The following SHTN1 variants were observed in gnomAD, a reference collection of about 807,000 sequenced individuals.
SHTN1 encodes the protein shootin-1.
In SHTN1, 42 loss-of-function variants were observed where a neutral mutation model predicts 83.1. The observed-to-expected ratio is 0.51, with a 90% CI of 0.39 to 0.65. The LOEUF (loss-of-function observed/expected upper bound fraction) is 0.65. SHTN1 is among the 30% of genes least tolerant of loss of function. The pLI is 0.00. For synonymous variants in SHTN1, 224 were observed against 247.7 expected (o/e 0.90, Z 0.90); for missense variants, 622 against 737.8 (o/e 0.84, Z 1.82).
At chr10:116,936,651 G>T (rs898185012) in intron 9 of SHTN1, among the ~76,000 whole-genome samples, 3 of 152,106 alleles carry the variant, frequency 2.0e-5, no homozygotes, top group African/African-American at 7.2e-5. Flanking sequence ...TGTTGATTTG[G>T]GATGGAGAGG....
intron 16 of SHTN1, among the ~76,000 whole-genome samples, chr10:116,892,846 CA>C (rs1389139392): frequency 1.3e-5 from 2 of 152,080 alleles, no homozygotes; most frequent in South Asian, 4.2e-4. Context: ...CCACTATACA[CA>C]AATAAAAGGA....
Position 117,047,150 on chromosome 10 carries a change from T to C in SHTN1, c.-123+1295A>G, listed in dbSNP as rs553716561. Among the ~76,000 whole-genome samples, 4 of 152,280 alleles carry C rather than the reference T, an allele frequency of 2.6e-5. No individual in the cohort carries two copies. In the South Asian group the frequency reaches 6.2e-4, roughly 24 times the overall value. ...CACGATCTCAGCACACTGCAACCTC[T>C]GCCTCCCAGGATCAAGTGATTCTCC... On this transcript the variant is annotated intron_variant, in intron 2 of 17. Coordinates refer to the SHTN1 transcript ENST00000392901.
At chr10:117,116,797 C>G (rs1322287347) in intron 1 of SHTN1, among the ~76,000 whole-genome samples, 1 of 151,958 alleles carries the variant, frequency 6.6e-6, no homozygotes, top group Non-Finnish European at 1.5e-5. Flanking sequence ...TTAACAGAAC[C>G]AAGAACAAAA....
chr10:116,915,782 C>A (rs1848361876), intron 12 of SHTN1, among the ~76,000 whole-genome samples: 1 of 152,138 alleles, frequency 6.6e-6, no homozygotes, highest in African/African-American at 2.4e-5. Context: ...GTCCACATTT[C>A]TCCAGGTCTT....
intron 2 of SHTN1, among the ~76,000 whole-genome samples, chr10:117,048,170 A>G (rs760722912): frequency 1.4e-4 from 21 of 152,174 alleles, no homozygotes; most frequent in Non-Finnish European, 2.5e-4. Flanking sequence ...TAACTCTTGG[A>G]GTATATAATT....
At chr10:116,921,290 G>C in intron 12 of SHTN1, 144 bp downstream of exon 12, 2 of 584,108 alleles carry the variant, frequency 3.4e-6, no homozygotes, top group Non-Finnish European at 3.1e-6. Context: ...AGGCAATGAC[G>C]GTTACTGGTT....
chr10:116,887,110 G>A (rs1005376805), intron 16 of SHTN1, among the ~76,000 whole-genome samples: 6 of 152,218 alleles, frequency 3.9e-5, no homozygotes, highest in Admixed American at 2.0e-4. Flanking sequence ...TCAGACTTCA[G>A]GAGGGGGTGG....
chr10:117,053,010 A>ATC, intron 1 of SHTN1, among the ~76,000 whole-genome samples: 1 of 146,126 alleles, frequency 6.8e-6, no homozygotes, highest in Non-Finnish European at 1.5e-5. Context: ...ACAGAGCAAG[A>ATC]CTGTGTCTCA....
At chr10:117,113,463 GTTTGCTTC>G (rs1163533767) in intron 1 of SHTN1, among the ~76,000 whole-genome samples, 2 of 152,190 alleles carry the variant, frequency 1.3e-5, no homozygotes, top group East Asian at 3.9e-4. Context: ...AATACTGTCA[GTTTGCTTC>G]TAAGTGCCCC....
intron 2 of SHTN1, among the ~76,000 whole-genome samples, chr10:117,017,439 C>T (rs914680872): frequency 3.5e-5 from 5 of 143,390 alleles, no homozygotes; most frequent in East Asian, 2.1e-4. Context: ...TGCAGTGAGC[C>T]GAGATCACGC....
chr10:116,911,596 CA>C (rs1177780808), intron 14 of SHTN1, 193 bp downstream of exon 14: 24 of 1,551,142 alleles, frequency 1.5e-5, no homozygotes, highest in Non-Finnish European at 1.9e-5. Flanking sequence ...ACAAAAACAG[CA>C]CAGTGTTATT....
At chr10:117,005,299 G>T, upstream of SHTN1, 2 of 1,420,486 alleles carry the variant, frequency 1.4e-6, no homozygotes, top group East Asian at 2.7e-5. Flanking sequence ...GCGGGGCGGG[G>T]CGGGCCCAGC....
At chr10:117,049,359 C>A (rs1358426338) in intron 1 of SHTN1, among the ~76,000 whole-genome samples, 1 of 151,406 alleles carries the variant, frequency 6.6e-6, no homozygotes, top group Non-Finnish European at 1.5e-5. Context: ...TGGAAAAAAA[C>A]AAACAAACAA....
chr10:116,957,090 A>T (rs1038721470), intron 4 of SHTN1, among the ~76,000 whole-genome samples: 1 of 151,896 alleles, frequency 6.6e-6, no homozygotes, highest in Non-Finnish European at 1.5e-5. Context: ...CACCCGGCCT[A>T]GACATGAGGT....
At chr10:117,005,252 C>T (rs1412027752), upstream of SHTN1, 1 of 1,457,760 alleles carries the variant, frequency 6.9e-7, no homozygotes, top group Non-Finnish European at 9.0e-7. Flanking sequence ...ATCATCCCCA[C>T]GCACCTACTC....
chr10:117,051,003 T>C (rs1852732420), intron 1 of SHTN1, among the ~76,000 whole-genome samples: 1 of 152,166 alleles, frequency 6.6e-6, no homozygotes, highest in Admixed American at 6.6e-5. Flanking sequence ...GCTGCAGTGA[T>C]GTCTGATCGC....
At chr10:116,947,129 C>T (rs532951947) in intron 7 of SHTN1, among the ~76,000 whole-genome samples, 6 of 152,102 alleles carry the variant, frequency 3.9e-5, no homozygotes, top group South Asian at 2.1e-4. Flanking sequence ...ACTGCAAGAC[C>T]GAAAGCTTCA....
At chr10:117,081,655 C>A (rs1453944441) in intron 1 of SHTN1, among the ~76,000 whole-genome samples, 1 of 147,126 alleles carries the variant, frequency 6.8e-6, no homozygotes, top group Admixed American at 6.9e-5. Context: ...GCTGTGAATC[C>A]ATCTGGTCCT....
intron 9 of SHTN1, among the ~76,000 whole-genome samples, chr10:116,938,664 CAGTCTGTCCCTTAGCAG>C (rs1219517426): frequency 6.6e-6 from 1 of 152,236 alleles, no homozygotes; most frequent in African/African-American, 2.4e-5. Context: ...CCTGAGGAGG[CAGTCTGTCCCTTAGCAG>C]AGCTCAAGCG....
Sources: gnomAD v4.1 joint callset for allele counts (sites outside exome capture counted in the v4.1 genomes callset) on GRCh38, gnomAD v4.1.1 for gene constraint, MANE v1.5 for transcripts, NCBI Gene and HGNC (gene_info 2026-07-23, HGNC 2026-07-21) for gene names.